Variants in ADAM12 observed in about 807,000 individuals in gnomAD.
ADAM12 encodes the protein ADAM metallopeptidase domain 12.
ADAM12 carries 70 observed loss-of-function variants against 106.4 expected under a neutral mutation model. The ratio of observed to expected loss-of-function variants is 0.66; its 90% confidence interval spans 0.54 to 0.80. The LOEUF (loss-of-function observed/expected upper bound fraction) is 0.80, where lower values mean the gene tolerates loss of function less well. ADAM12 is among the 30% of genes least tolerant of loss of function. ADAM12 has a pLI of 0.00. For missense variants in ADAM12, 1,010 were observed against 1,171.9 expected (o/e 0.86, Z 2.02); for synonymous variants, 420 against 433.5 (o/e 0.97, Z 0.39).
intron 11 of ADAM12, among the ~76,000 whole-genome samples, chr10:126,079,473 G>A (rs1227513356): frequency 1.3e-5 from 2 of 152,124 alleles, no homozygotes; most frequent in African/African-American, 2.4e-5. Flanking sequence ...TAGTGTTCTC[G>A]AGGTTCAGCC....
At chr10:126,227,689 CAG>C (rs1958224980) in intron 3 of ADAM12, among the ~76,000 whole-genome samples, 1 of 152,198 alleles carries the variant, frequency 6.6e-6, no homozygotes, top group South Asian at 2.1e-4. Flanking sequence ...CACCGTGTCT[CAG>C]CAGAAAGTGA....
intron 21 of ADAM12, among the ~76,000 whole-genome samples, chr10:126,026,569 G>A (rs556895939): frequency 6.6e-6 from 1 of 152,108 alleles, no homozygotes; most frequent in Non-Finnish European, 1.5e-5. Context: ...AATCATAACA[G>A]TCTGTCAAAC....
intron 10 of ADAM12, among the ~76,000 whole-genome samples, chr10:126,096,947 C>G (rs930022894): frequency 2.0e-5 from 3 of 152,074 alleles, no homozygotes; most frequent in African/African-American, 7.2e-5. Context: ...TCCCTGTATC[C>G]TTTTAAAGAA....
chr10:126,083,764 G>A (rs1955281165), intron 11 of ADAM12, among the ~76,000 whole-genome samples: 1 of 152,236 alleles, frequency 6.6e-6, no homozygotes, highest in East Asian at 1.9e-4. Context: ...TCCTCATGGT[G>A]TGATGGGAGA....
chr10:126,070,471 A>G (rs528877857), intron 12 of ADAM12: 3 of 152,366 alleles, frequency 2.0e-5, no homozygotes, highest in South Asian at 4.1e-4. Context: ...AGATGGGGAT[A>G]TGATGAACAT....
chr10:126,104,471 A>C (rs887494894), intron 8 of ADAM12, among the ~76,000 whole-genome samples: 2 of 151,702 alleles, frequency 1.3e-5, no homozygotes. Flanking sequence ...AAAAAGAAAG[A>C]AAGAAAGAAA....
At chr10:126,249,629 G>A (rs1202453330) in intron 3 of ADAM12, among the ~76,000 whole-genome samples, 5 of 152,134 alleles carry the variant, frequency 3.3e-5, no homozygotes, top group South Asian at 2.1e-4. Context: ...GCGTCAACCC[G>A]GGAGGCGGAG....
intron 3 of ADAM12, among the ~76,000 whole-genome samples, chr10:126,159,105 C>T (rs898173092): frequency 3.6e-4 from 55 of 151,980 alleles, no homozygotes; most frequent in Non-Finnish European, 2.4e-4. Context: ...GTCAGGAGAT[C>T]GAGACCATTC....
intron 1 of ADAM12, among the ~76,000 whole-genome samples, chr10:126,386,941 G>C (rs978438099): frequency 6.6e-6 from 1 of 152,152 alleles, no homozygotes; most frequent in Non-Finnish European, 1.5e-5. Context: ...ATTTATCCCC[G>C]AATTGGTCTT....
chr10:126,358,967 A>G (rs956104202), intron 1 of ADAM12, among the ~76,000 whole-genome samples: 1 of 152,224 alleles, frequency 6.6e-6, no homozygotes, highest in African/African-American at 2.4e-5. Context: ...AATTGTACTT[A>G]CAGTTCCACA....
intron 3 of ADAM12, among the ~76,000 whole-genome samples, chr10:126,225,681 G>A (rs889127831): frequency 1.3e-5 from 2 of 152,172 alleles, no homozygotes; most frequent in East Asian, 1.9e-4. Flanking sequence ...CAGCCACTCC[G>A]ATAACCAGCT....
At chr10:126,055,464 T>C (rs1954609639) in intron 14 of ADAM12, among the ~76,000 whole-genome samples, 1 of 152,266 alleles carries the variant, frequency 6.6e-6, no homozygotes, top group South Asian at 2.1e-4. Flanking sequence ...AGTATGGTGC[T>C]GGATACAGCA....
chr10:126,359,324 C>T (rs375148565), intron 1 of ADAM12, among the ~76,000 whole-genome samples: 1 of 152,268 alleles, frequency 6.6e-6, no homozygotes, highest in African/African-American at 2.4e-5. Flanking sequence ...AGTCTTAACT[C>T]ATTACAGCAT....
chr10:126,353,785 AAAG>A (rs972346886), intron 1 of ADAM12, among the ~76,000 whole-genome samples: 4 of 152,206 alleles, frequency 2.6e-5, no homozygotes, highest in Admixed American at 2.6e-4. Flanking sequence ...GAGTCCTTAA[AAAG>A]AAGGGAAAGC....
At chr10:126,065,298 A>G (rs903446849) in intron 13 of ADAM12, among the ~76,000 whole-genome samples, 9 of 152,214 alleles carry the variant, frequency 5.9e-5, no homozygotes, top group African/African-American at 2.2e-4. Context: ...GGCACCTCAG[A>G]GGAAGAAGAA....
At chr10:126,299,058 T>C (rs1285437488) in intron 2 of ADAM12, among the ~76,000 whole-genome samples, 1 of 152,126 alleles carries the variant, frequency 6.6e-6, no homozygotes, top group Non-Finnish European at 1.5e-5. Flanking sequence ...TGCTTGGAGA[T>C]TGTAGGAAGG....
intron 4 of ADAM12, among the ~76,000 whole-genome samples, chr10:126,149,760 GC>G (rs1037468305): frequency 2.2e-4 from 33 of 152,174 alleles, no homozygotes; most frequent in African/African-American, 8.0e-4. Context: ...CCAATGGTTT[GC>G]CAGGGGTTCT....
intron 18 of ADAM12, among the ~76,000 whole-genome samples, chr10:126,040,985 ACTC>A (rs1954153877): frequency 6.6e-6 from 1 of 151,500 alleles, no homozygotes; most frequent in African/African-American, 2.4e-5. Flanking sequence ...GCCAGTCCAC[ACTC>A]CTCTAGATCT....
chr10:126,135,665 A>T lies in ADAM12; in HGVS notation c.340-5T>A. On this transcript the variant is annotated splice_polypyrimidine_tract_variant and splice_region_variant and intron_variant, in intron 4 of 22. Coordinates refer to ENST00000448723, the MANE Select transcript of ADAM12 (RefSeq NM_001288973.2). ...TCCATGGTAGTAACAGTGACCCTAA[A>T]GGGGAGGAGGAGAGAATCCCATTTC... is the stretch of plus-strand genomic sequence containing the variant. 1 of 1,612,900 alleles carries T rather than the reference A, an allele frequency of 6.2e-7. No individual in the cohort carries two copies.
Sources: allele counts gnomAD v4.1 joint callset (sites outside exome capture counted in the v4.1 genomes callset), GRCh38; gene constraint gnomAD v4.1.1; transcripts MANE v1.5; gene names NCBI Gene and HGNC (gene_info 2026-07-23, HGNC 2026-07-21).